Variants in PCDHA6 observed in about 807,000 individuals in gnomAD.
The protein encoded by PCDHA6 is protocadherin alpha-6.
In PCDHA6, 55 loss-of-function variants were observed where a neutral mutation model predicts 60.3. That is an observed-to-expected ratio of 0.91 (90% CI 0.73 to 1.14). PCDHA6 has a LOEUF of 1.14. Ranked by LOEUF, PCDHA6 falls within the 50% of genes most tolerant of loss-of-function variation. PCDHA6 has a pLI of 0.00. For missense variants in PCDHA6, 1,327 were observed against 1,256.5 expected, an observed-to-expected ratio of 1.06 and a Z score of -0.85; for synonymous variants, 652 against 557.9, an observed-to-expected ratio of 1.17 and a Z score of -2.38.
intron 1 of PCDHA6, chr5:140,966,939 TG>T: frequency 1.2e-6 from 2 of 1,604,434 alleles, no homozygotes; most frequent in Non-Finnish European, 1.7e-6. Flanking sequence ...GGCGCGCTCG[TG>T]GGCAACGTGG....
At chr5:140,852,883 G>A (rs1190514830) in intron 1 of PCDHA6, 22 of 933,050 alleles carry the variant, frequency 2.4e-5, no homozygotes, top group African/African-American at 1.6e-4. Flanking sequence ...ATCATAAAAC[G>A]TATTTTTTTT....
chr5:140,883,954 T>A (rs2059908896), intron 1 of PCDHA6: 1 of 1,612,680 alleles, frequency 6.2e-7, no homozygotes, highest in Non-Finnish European at 8.5e-7. Flanking sequence ...ACGACAACGC[T>A]CCGGCGCTGC....
At position 140,850,386 on chromosome 5, in the gene PCDHA6, A is replaced by G. The variant is rs2041574061; in HGVS notation, c.2394+19901A>G. ...CCGCGTGGGGCTGTACACGGGCGAGATCAGCACAACGCGTGCCCTGGACGA... is the reference window on the plus strand; with the variant it reads ...CCGCGTGGGGCTGTACACGGGCGAGGTCAGCACAACGCGTGCCCTGGACGA... On this transcript the variant is annotated intron_variant, in intron 1 of 3. Coordinates refer to ENST00000529310, the MANE Select transcript of PCDHA6 (RefSeq NM_018909.4). 1.3e-6 allele frequency: 2 copies of G among 1,597,858 alleles called. 1 individual carries two copies. Among genetic ancestry groups the G allele is most frequent in the South Asian group, 2.2e-5 (2 of 90,510 alleles).
rs782169362 is a variant in PCDHA6, at chr5:140,979,015, T to G, written c.2453+8T>G. Reference sequence around the variant, plus strand: ...GAGAGCAGGCATGCACAGGTATGTATTTCCCTCCTCATTCACTCAGAAGTA... The same window carrying G: ...GAGAGCAGGCATGCACAGGTATGTAGTTCCCTCCTCATTCACTCAGAAGTA... On this transcript the variant is annotated splice_region_variant and intron_variant, in intron 2 of 3. Transcript: ENST00000529310. 3 of 1,613,920 alleles carry G rather than the reference T, an allele frequency of 1.9e-6. No individual in the cohort carries two copies. The highest frequency in any genetic ancestry group is 2.5e-6 in the Non-Finnish European group (3 of 1,179,908).
intron 1 of PCDHA6, among the ~76,000 whole-genome samples, chr5:140,911,001 C>T (rs543025308): frequency 1.3e-5 from 2 of 152,220 alleles, no homozygotes; most frequent in African/African-American, 4.8e-5. Context: ...CCCCTAGGGC[C>T]CTCCTGGGAC....
chr5:140,907,272 C>T (rs1164055585), intron 1 of PCDHA6, among the ~76,000 whole-genome samples: 1 of 152,224 alleles, frequency 6.6e-6, no homozygotes, highest in Non-Finnish European at 1.5e-5. Flanking sequence ...GCCATTCCAT[C>T]ATTCTATCAA....
At chr5:140,945,001 G>A (rs2093722890) in intron 1 of PCDHA6, among the ~76,000 whole-genome samples, 1 of 151,990 alleles carries the variant, frequency 6.6e-6, no homozygotes, top group African/African-American at 2.4e-5. Context: ...ACGGTTGTGG[G>A]TCATGAATTA....
intron 3 of PCDHA6, among the ~76,000 whole-genome samples, chr5:141,000,385 C>A (rs868983393): frequency 3.1e-5 from 2 of 64,984 alleles, no homozygotes; most frequent in South Asian, 5.2e-4. Flanking sequence ...CTCTCTCTCT[C>A]TCTCTCTCTC....
chr5:140,882,990 A>C, intron 1 of PCDHA6: 1 of 1,614,130 alleles, frequency 6.2e-7, no homozygotes, highest in East Asian at 2.2e-5. Context: ...AACGCCCCGG[A>C]ATTTTACCAA....
chr5:140,940,551 T>C (rs2092639776), intron 1 of PCDHA6, among the ~76,000 whole-genome samples: 1 of 152,214 alleles, frequency 6.6e-6, no homozygotes, highest in African/African-American at 2.4e-5. Context: ...TGGGCTCAAG[T>C]GATTCTCCTA....
rs529251467 is a variant in PCDHA6 at position 140,953,424 on chromosome 5, T to C, written c.2395-25525T>C. The stretch of plus-strand genomic sequence containing the variant: ...TGTTGCTCCTGGCTCCTCCCCTTTG[T>C]CCTTAAGCTGGAGAAACTAGGGATT... On this transcript the variant is annotated intron_variant, in intron 1 of 3. Transcript: ENST00000529310. 2.6e-5 allele frequency among the ~76,000 whole-genome samples: 4 copies of C among 152,230 alleles called. No individual in the cohort carries two copies. In the East Asian group the frequency reaches 7.7e-4, roughly 29 times the overall value.
intron 1 of PCDHA6, chr5:140,857,524 T>G (rs251363): frequency 0.63 from 998,871 of 1,597,030 alleles, 345,157 homozygotes; most frequent in African/African-American, 0.69. Context: ...TGTCCTACTC[T>G]CTGGTGGAGC....
intron 1 of PCDHA6, among the ~76,000 whole-genome samples, chr5:140,889,476 C>G (rs2062241146): frequency 6.6e-6 from 1 of 152,054 alleles, no homozygotes; most frequent in South Asian, 2.1e-4. Flanking sequence ...TATGCTCATA[C>G]TTTCTACAGA....
At chr5:140,841,520 G>T (rs1777298038) in intron 1 of PCDHA6, 2 of 1,613,470 alleles carry the variant, frequency 1.2e-6, no homozygotes, top group East Asian at 2.2e-5. Flanking sequence ...GTTCCGGGTG[G>T]CGTCCAAAAG....
chr5:140,879,402 T>C (rs571790), intron 1 of PCDHA6, among the ~76,000 whole-genome samples: 2,265 of 152,304 alleles, frequency 0.015, 52 homozygotes, highest in African/African-American at 0.052. Context: ...TTTGTGTGTA[T>C]TTGAGCAGGT....
chr5:140,970,026 T>A (rs2153783055), intron 1 of PCDHA6, among the ~76,000 whole-genome samples: 1 of 152,304 alleles, frequency 6.6e-6, no homozygotes, highest in Non-Finnish European at 1.5e-5. Context: ...GGCAGAGAGA[T>A]TAAGTACCAA....
At chr5:140,930,175 G>A (rs1554207630) in intron 1 of PCDHA6, 2 of 152,134 alleles carry the variant, frequency 1.3e-5, no homozygotes, top group African/African-American at 4.8e-5. Context: ...TTACAAAGAG[G>A]AAAGATGAGT....
At chr5:140,877,103 C>T (rs782607272) in intron 1 of PCDHA6, 7 of 1,613,552 alleles carry the variant, frequency 4.3e-6, no homozygotes, top group Non-Finnish European at 5.9e-6. Flanking sequence ...GGCGTGCCGC[C>T]TCTGGGCAGC....
rs1554146072 is a variant in PCDHA6 at position 140,852,730 on chromosome 5, T to G, written c.2394+22245T>G. On this transcript the variant is annotated intron_variant, in intron 1 of 3. Coordinates refer to ENST00000529310, the MANE Select transcript of PCDHA6 (RefSeq NM_018909.4). ...TTTGTCTTTGCACGTTTTTCAAGTT[T>G]CATGTGCCATTTAAACTTGGACCCA... 29 of 983,856 alleles carry G rather than the reference T, an allele frequency of 2.9e-5. 3 individuals carry two copies. The highest frequency in any genetic ancestry group is 3.6e-5 in the Non-Finnish European group (29 of 816,252). The allele number at this position is 983,856 out of a possible 1,614,324, so 60.9% of individuals were successfully genotyped here.
Sources: allele counts gnomAD v4.1 joint callset (sites outside exome capture counted in the v4.1 genomes callset), GRCh38; gene constraint gnomAD v4.1.1; transcripts MANE v1.5; gene names NCBI Gene and HGNC (gene_info 2026-07-23, HGNC 2026-07-21).